RBFOX3: variants seen among roughly 807,000 people sequenced by gnomAD.
The protein encoded by RBFOX3 is RNA binding fox-1 homolog 3, also known as RNA binding protein fox-1 homolog 3.
A neutral mutation model predicts 48.7 loss-of-function variants in RBFOX3; 17 were observed. The ratio of observed to expected loss-of-function variants is 0.35; its 90% CI spans 0.24 to 0.52. The LOEUF is 0.52. Among genes scored for constraint, RBFOX3 ranks in the 20% least tolerant of loss-of-function variants. The pLI is 0.94. For missense variants in RBFOX3, 382 were observed against 497.5 expected (o/e 0.77, Z 2.21); for synonymous variants, 212 against 209.5 (o/e 1.01, Z -0.10).
intron 2 of RBFOX3, among the ~76,000 whole-genome samples, chr17:79,320,824 T>A (rs8074661): frequency 6.6e-6 from 1 of 152,064 alleles, no homozygotes; most frequent in Non-Finnish European, 1.5e-5. Flanking sequence ...AACTTTGAGG[T>A]GCTGTTCTAG....
At chr17:79,166,242 T>G (rs1349917971) in intron 4 of RBFOX3, among the ~76,000 whole-genome samples, 1 of 136,624 alleles carries the variant, frequency 7.3e-6, no homozygotes, top group Non-Finnish European at 1.7e-5. Context: ...GGGGCTCCTT[T>G]CCCTCCTGCA....
rs1212287381 is a variant in RBFOX3 at position 79,364,724 on chromosome 17, G to T, written c.-174-56900C>A. Among the ~76,000 whole-genome samples, 1 of 152,110 alleles carries T rather than the reference G, an allele frequency of 6.6e-6. No individual in the cohort carries two copies. Among genetic ancestry groups the T allele is most frequent in the African/African-American group, 2.4e-5 (1 of 41,418 alleles). ...ATGGGGGACACCATATGGGGCTGGG[G>T]ACCTAGAGGAACACATTATAGCCCA... On this transcript the variant is annotated intron_variant, in intron 2 of 14. Coordinates refer to ENST00000693108, the MANE Select transcript of RBFOX3 (RefSeq NM_001350451.2). This position sits in a 1 kb window ranked among gnomAD's most constrained non-coding sequence, Gnocchi z 5.1.
chr17:79,572,490 C>T (rs1000243797), intron 1 of RBFOX3, among the ~76,000 whole-genome samples: 1 of 152,058 alleles, frequency 6.6e-6, no homozygotes, highest in African/African-American at 2.4e-5. Flanking sequence ...CCAGACCCCT[C>T]CCACCCCAGC....
At position 79,365,429 on chromosome 17, in the gene RBFOX3, T is replaced by C. The variant is rs571322545; in HGVS notation, c.-174-57605A>G. ...ATTGCAAAATGAAACTGTTAAAGAA[T>C]AAAACTCATTAAATGCCTGTGATAA... On this transcript the variant is annotated intron_variant, in intron 2 of 14. Coordinates refer to ENST00000693108, the MANE Select transcript of RBFOX3 (RefSeq NM_001350451.2). Among the ~76,000 whole-genome samples the C allele has an allele frequency of 1.1e-4, 16 of 152,380 alleles. No homozygotes were observed. In the South Asian group the frequency reaches 3.3e-3, roughly 32 times the overall value.
chr17:79,475,859 G>A, intron 2 of RBFOX3, among the ~76,000 whole-genome samples: 1 of 152,176 alleles, frequency 6.6e-6, no homozygotes, highest in East Asian at 1.9e-4. Flanking sequence ...TCCGTGTGTG[G>A]GACAGTTTCT....
intron 1 of RBFOX3, among the ~76,000 whole-genome samples, chr17:79,489,865 C>G (rs1193289805): frequency 6.6e-6 from 1 of 152,192 alleles, no homozygotes; most frequent in African/African-American, 2.4e-5. Flanking sequence ...CACCCCAATT[C>G]CTCCTCAGCC....
intron 2 of RBFOX3, among the ~76,000 whole-genome samples, chr17:79,316,434 G>A (rs1296559682): frequency 2.6e-5 from 4 of 152,218 alleles, no homozygotes; most frequent in African/African-American, 9.6e-5. Flanking sequence ...AGCCCTCCTT[G>A]GGCAGGGGCG....
At position 79,436,894 on chromosome 17, in the gene RBFOX3, G is replaced by A. The variant is rs555895506; in HGVS notation, c.-175+45560C>T. Among the ~76,000 whole-genome samples, 144 of 152,240 alleles carry A rather than the reference G, an allele frequency of 9.5e-4. 1 individual carries two copies. The highest frequency in any genetic ancestry group is 3.4e-3 in the African/African-American group (140 of 41,554). ...AACTGCCACCCACCCCCTCCACTTG[G>A]CCCCTGGTGATGCTTTGACCTCTCC... On this transcript the variant is annotated intron_variant, in intron 2 of 14. Coordinates refer to ENST00000693108, the MANE Select transcript of RBFOX3 (RefSeq NM_001350451.2).
chr17:79,130,070 A>G (rs575451879), intron 4 of RBFOX3, among the ~76,000 whole-genome samples: 1 of 152,238 alleles, frequency 6.6e-6, no homozygotes, highest in East Asian at 1.9e-4. Context: ...CCAGGCCTGG[A>G]GCAGGAATGC....
chr17:79,474,133 A>G (rs2077392011), intron 2 of RBFOX3, among the ~76,000 whole-genome samples: 1 of 151,916 alleles, frequency 6.6e-6, no homozygotes, highest in South Asian at 2.1e-4. Flanking sequence ...AAAAAAAAAA[A>G]TGAAGAAATT....
At chr17:79,251,328 C>T (rs1476264949) in intron 3 of RBFOX3, among the ~76,000 whole-genome samples, 1 of 152,172 alleles carries the variant, frequency 6.6e-6, no homozygotes, top group Non-Finnish European at 1.5e-5. Flanking sequence ...GGACAGAGAA[C>T]AGACGAGGGC....
At chr17:79,144,028 C>A (rs954187593) in intron 4 of RBFOX3, among the ~76,000 whole-genome samples, 67 of 152,238 alleles carry the variant, frequency 4.4e-4, no homozygotes, top group African/African-American at 1.6e-3. Flanking sequence ...CCGTGCCCAG[C>A]TCTGCCCGTG....
chr17:79,488,831 G>A (rs890289413), intron 1 of RBFOX3, among the ~76,000 whole-genome samples: 18 of 152,280 alleles, frequency 1.2e-4, no homozygotes, highest in South Asian at 8.3e-4. Flanking sequence ...CTAATACTCC[G>A]AGGAGTCAAA....
At chr17:79,576,126 T>A (rs930540864) in intron 1 of RBFOX3, among the ~76,000 whole-genome samples, 10 of 152,334 alleles carry the variant, frequency 6.6e-5, no homozygotes, top group Non-Finnish European at 1.2e-4. Flanking sequence ...TCCCAACCAA[T>A]CAGCTGAAGG....
At chr17:79,328,937 G>C (rs915855965) in intron 2 of RBFOX3, among the ~76,000 whole-genome samples, 5 of 152,196 alleles carry the variant, frequency 3.3e-5, no homozygotes, top group Admixed American at 6.5e-5. Flanking sequence ...CACACATGGG[G>C]TGGGGGAGAT....
chr17:79,496,584 G>A (rs1039753860), intron 1 of RBFOX3, among the ~76,000 whole-genome samples: 7 of 152,186 alleles, frequency 4.6e-5, no homozygotes, highest in African/African-American at 9.7e-5. Context: ...AGGCCCTGGC[G>A]GGGCTTGGCT....
intron 1 of RBFOX3, among the ~76,000 whole-genome samples, chr17:79,512,340 G>A (rs535830808): frequency 4.7e-5 from 6 of 126,786 alleles, no homozygotes; most frequent in South Asian, 2.7e-4. Context: ...TGTTACCATC[G>A]GATACAGCCC....
At chr17:79,506,138 A>G (rs958099121) in intron 1 of RBFOX3, among the ~76,000 whole-genome samples, 10 of 152,236 alleles carry the variant, frequency 6.6e-5, no homozygotes, top group Non-Finnish European at 1.2e-4. Context: ...AGATGAGGAA[A>G]TTGATACCAC....
chr17:79,253,180 T>C (rs1005491024), intron 3 of RBFOX3, among the ~76,000 whole-genome samples: 1 of 152,138 alleles, frequency 6.6e-6, no homozygotes, highest in Non-Finnish European at 1.5e-5. Flanking sequence ...CCTAGCACAA[T>C]GCATCTGGTG....
Sources: allele counts gnomAD v4.1 joint callset (sites outside exome capture counted in the v4.1 genomes callset), GRCh38; gene constraint gnomAD v4.1.1; non-coding constraint Gnocchi (gnomAD v3.1); transcripts MANE v1.5; gene names NCBI Gene and HGNC (gene_info 2026-07-23, HGNC 2026-07-21).